Variants in GABRG3 observed in about 807,000 individuals in gnomAD.
GABRG3 encodes the protein gamma-aminobutyric acid receptor subunit gamma-3.
Under a neutral mutation model 48.8 loss-of-function variants are expected in GABRG3, and 25 were observed. The ratio of observed to expected loss-of-function variants is 0.51; its 90% CI spans 0.37 to 0.72. GABRG3 has a LOEUF of 0.72. GABRG3 is among the 30% of genes least tolerant of loss of function. The pLI is 0.00. For missense variants in GABRG3, 394 were observed against 577.9 expected, an observed-to-expected ratio of 0.68 and a Z score of 3.26; for synonymous variants, 227 against 217.6, an observed-to-expected ratio of 1.04 and a Z score of -0.38.
intron 3 of GABRG3, among the ~76,000 whole-genome samples, chr15:27,166,530 C>T (rs1297117536): frequency 6.6e-6 from 1 of 152,070 alleles, no homozygotes; most frequent in Non-Finnish European, 1.5e-5. Flanking sequence ...GAGGCCACTG[C>T]CTGCGCCCCT....
At chr15:27,529,958 CACAG>C (rs1891381733) in intron 9 of GABRG3, among the ~76,000 whole-genome samples, 1 of 149,502 alleles carries the variant, frequency 6.7e-6, no homozygotes, top group African/African-American at 2.5e-5. Context: ...AAAAATAATT[CACAG>C]ACAGAAAGGG....
intron 5 of GABRG3, among the ~76,000 whole-genome samples, chr15:27,403,317 C>T (rs977280011): frequency 2.0e-5 from 3 of 151,880 alleles, no homozygotes; most frequent in African/African-American, 7.3e-5. Context: ...AATTGGAATT[C>T]AGAAAAAGGA....
chr15:27,260,795 A>G (rs1890745504), intron 3 of GABRG3, among the ~76,000 whole-genome samples: 2 of 152,162 alleles, frequency 1.3e-5, no homozygotes, highest in South Asian at 4.2e-4. Context: ...GGGCCTGATG[A>G]AGGGGCCCCA....
At chr15:26,973,756 A>G (rs1019160607) in intron 1 of GABRG3, among the ~76,000 whole-genome samples, 2 of 152,212 alleles carry the variant, frequency 1.3e-5, no homozygotes, top group African/African-American at 4.8e-5. Flanking sequence ...AATACTTCAG[A>G]CTTTTTCTCT....
At chr15:27,149,239 A>G (rs1347285113) in intron 3 of GABRG3, among the ~76,000 whole-genome samples, 3 of 151,996 alleles carry the variant, frequency 2.0e-5, no homozygotes, top group African/African-American at 2.4e-5. Context: ...AATTTCATTT[A>G]TAGTAATATC....
intron 3 of GABRG3, among the ~76,000 whole-genome samples, chr15:27,147,016 G>A (rs1898221843): frequency 6.6e-6 from 1 of 151,944 alleles, no homozygotes; most frequent in South Asian, 2.1e-4. Context: ...TAAAAAATAT[G>A]ACCCATATAT....
At chr15:27,326,660 C>T in intron 3 of GABRG3, 149 bp from the exon 4 acceptor site, 1 of 638,964 alleles carries the variant, frequency 1.6e-6, no homozygotes, top group Non-Finnish European at 2.8e-6. Context: ...TCACTGAGTG[C>T]TTGCCATGTT....
intron 5 of GABRG3, among the ~76,000 whole-genome samples, chr15:27,351,324 GGT>G (rs554737853): frequency 4.9e-5 from 7 of 141,644 alleles, no homozygotes; most frequent in East Asian, 2.3e-4. Context: ...GTATGTGTAT[GGT>G]GTGTGTGTGT....
chr15:27,010,402 T>C (rs1259173118), intron 2 of GABRG3, among the ~76,000 whole-genome samples: 1 of 152,208 alleles, frequency 6.6e-6, no homozygotes, highest in African/African-American at 2.4e-5. Flanking sequence ...ATTCTAGAAA[T>C]GCAGTAACTT....
intron 3 of GABRG3, among the ~76,000 whole-genome samples, chr15:27,309,567 A>T (rs1892927486): frequency 6.6e-6 from 1 of 152,054 alleles, no homozygotes; most frequent in South Asian, 2.1e-4. Context: ...ACATTAAAAG[A>T]TGTTTAACAT....
Position 27,307,996 on chromosome 15 carries a change from C to T in GABRG3, c.271-18813C>T, listed in dbSNP as rs528282018. On this transcript the variant is annotated intron_variant, in intron 3 of 9. Transcript: ENST00000615808. ...TAAACATATATAAAATAAACATATA[C>T]GTTTATAATAAACGTATATATAAAA... is the stretch of plus-strand genomic sequence containing the variant. 5.4e-3 allele frequency among the ~76,000 whole-genome samples: 724 copies of T among 134,314 alleles called. 30 individuals carry two copies. The highest frequency in any genetic ancestry group is 0.019 in the African/African-American group (682 of 36,516). The allele number at this position is 134,314 out of a possible 152,430, so 88.1% of individuals were successfully genotyped here.
chr15:27,369,806 C>CAAAAAAAA (rs34901488), intron 5 of GABRG3, among the ~76,000 whole-genome samples: 558 of 30,268 alleles, frequency 0.018, 53 homozygotes, highest in African/African-American at 0.049. Context: ...GACTCCGTCT[C>CAAAAAAAA]AAAAAAAAAA....
At chr15:27,398,478 T>C (rs1887381364) in intron 5 of GABRG3, among the ~76,000 whole-genome samples, 1 of 152,204 alleles carries the variant, frequency 6.6e-6, no homozygotes. Context: ...TGTGTGCAAA[T>C]TGTGAAAAGT....
At chr15:27,098,726 T>TA (rs1179551303) in intron 3 of GABRG3, among the ~76,000 whole-genome samples, 2 of 152,062 alleles carry the variant, frequency 1.3e-5, no homozygotes, top group Non-Finnish European at 2.9e-5. Flanking sequence ...GCAGAATTCA[T>TA]ATGTGGCAAA....
chr15:27,088,370 G>A (rs1019240695), intron 3 of GABRG3, among the ~76,000 whole-genome samples: 2 of 152,088 alleles, frequency 1.3e-5, no homozygotes, highest in East Asian at 1.9e-4. Flanking sequence ...AGGAAAGGGT[G>A]CGCTATTCAG....
At chr15:27,433,812 T>C (rs545661292) in intron 5 of GABRG3, among the ~76,000 whole-genome samples, 10 of 152,210 alleles carry the variant, frequency 6.6e-5, no homozygotes, top group Non-Finnish European at 1.2e-4. Context: ...CTCTGAACTT[T>C]CTGGGGAATC....
intron 5 of GABRG3, among the ~76,000 whole-genome samples, chr15:27,331,417 A>G (rs1893797493): frequency 6.6e-6 from 1 of 152,346 alleles, no homozygotes; most frequent in Non-Finnish European, 1.5e-5. Context: ...CACTACAAAG[A>G]AAGGAGCTAC....
intron 5 of GABRG3, among the ~76,000 whole-genome samples, chr15:27,400,530 G>T (rs543857441): frequency 1.1e-4 from 16 of 152,066 alleles, no homozygotes; most frequent in Admixed American, 7.2e-4. Flanking sequence ...TTCACATGTG[G>T]GTTTATTTGT....
At chr15:27,400,770 T>C (rs916988247) in intron 5 of GABRG3, among the ~76,000 whole-genome samples, 2 of 152,200 alleles carry the variant, frequency 1.3e-5, no homozygotes, top group Non-Finnish European at 2.9e-5. Flanking sequence ...GAACTTCCTA[T>C]TCTAAATTTC....
Sources: allele counts gnomAD v4.1 joint callset (sites outside exome capture counted in the v4.1 genomes callset), GRCh38; gene constraint gnomAD v4.1.1; transcripts MANE v1.5; gene names NCBI Gene and HGNC (gene_info 2026-07-23, HGNC 2026-07-21).